The following VPS13A variants were observed in gnomAD, a reference collection of about 807,000 sequenced individuals.
The protein encoded by VPS13A is vacuolar protein sorting 13 homolog A.
Under a neutral mutation model 390.9 loss-of-function variants are expected in VPS13A, and 264 were observed. The ratio of observed to expected loss-of-function variants is 0.68; its 90% CI spans 0.61 to 0.75. VPS13A has a LOEUF of 0.75. Ranked by LOEUF, VPS13A falls within the 30% of genes least tolerant of loss-of-function variation. The pLI is 0.00. For synonymous variants in VPS13A, 1,231 were observed against 1,227.1 expected (o/e 1.00, Z -0.07); for missense variants, 3,409 against 3,733.9 (o/e 0.91, Z 2.27).
chr9:77,384,544 A>G lies in VPS13A; in HGVS notation c.9189+2457A>G, dbSNP rs1252351841. On this transcript the variant is annotated intron_variant, in intron 68 of 71. Coordinates refer to ENST00000360280, the MANE Select transcript of VPS13A (RefSeq NM_033305.3). ...GTTTTCAAGCAATTTGCCATACTCT[A>G]CTAACCTTTGTGCTTCTTTTTTCCT... 7 of 1,610,480 alleles carry G rather than the reference A, an allele frequency of 4.3e-6. No homozygotes were observed. The Admixed American group carries it at 5.0e-5, about 12-fold the overall frequency.
chr9:77,363,428 G>C (rs1344659758), intron 59 of VPS13A, among the ~76,000 whole-genome samples: 5 of 129,884 alleles, frequency 3.8e-5, no homozygotes, highest in African/African-American at 1.4e-4. Context: ...TTGAGACCTA[G>C]GCTCGCTCTG....
chr9:77,250,657 C>T (rs1470533414), intron 21 of VPS13A, among the ~76,000 whole-genome samples: 2 of 152,178 alleles, frequency 1.3e-5, no homozygotes, highest in Non-Finnish European at 2.9e-5. Context: ...AACCAGAAGA[C>T]ATTGCTCAGG....
intron 3 of VPS13A, among the ~76,000 whole-genome samples, chr9:77,204,920 C>T (rs552951603): frequency 6.6e-6 from 1 of 152,068 alleles, no homozygotes; most frequent in East Asian, 1.9e-4. Flanking sequence ...TTAGCCACTG[C>T]GCCTGGCCTA....
intron 22 of VPS13A, among the ~76,000 whole-genome samples, chr9:77,257,905 T>G (rs572384747): frequency 6.6e-6 from 1 of 152,332 alleles, no homozygotes; most frequent in Admixed American, 6.5e-5. Context: ...AGAATTGTAA[T>G]TATTTCTTAT....
chr9:77,376,325 A>G (rs565211807), intron 67 of VPS13A, among the ~76,000 whole-genome samples: 3 of 152,300 alleles, frequency 2.0e-5, no homozygotes, highest in African/African-American at 4.8e-5. Flanking sequence ...GCTTAAGATG[A>G]GAGGCCATTG....
chr9:77,283,047 A>G (rs1827131840), intron 29 of VPS13A, among the ~76,000 whole-genome samples: 1 of 152,140 alleles, frequency 6.6e-6, no homozygotes, highest in African/African-American at 2.4e-5. Flanking sequence ...TTTGATAATG[A>G]CAAGTATCAC....
At chr9:77,359,961 A>G (rs1251243688) in intron 58 of VPS13A, among the ~76,000 whole-genome samples, 2 of 152,106 alleles carry the variant, frequency 1.3e-5, no homozygotes, top group African/African-American at 4.8e-5. Flanking sequence ...TTGTTTTGAA[A>G]AAGGAAAACA....
intron 67 of VPS13A, among the ~76,000 whole-genome samples, chr9:77,379,441 T>C (rs1333554258): frequency 6.6e-6 from 1 of 152,072 alleles, no homozygotes; most frequent in Non-Finnish European, 1.5e-5. Flanking sequence ...GGTTTCTCCA[T>C]GTTGGTCAGG....
At chr9:77,350,809 T>C (rs1398405561) in intron 52 of VPS13A, 1 of 169,398 alleles carries the variant, frequency 5.9e-6, no homozygotes, top group African/African-American at 2.4e-5. Flanking sequence ...TCAGAAGAGC[T>C]ATATTTTATT....
intron 62 of VPS13A, 89 bp downstream of exon 62, chr9:77,368,225 A>G: frequency 1.9e-6 from 2 of 1,066,130 alleles, no homozygotes; most frequent in South Asian, 1.4e-5. Context: ...GGAACTATTG[A>G]GGAACTAAAT....
chr9:77,234,165 T>C (rs1390763679), intron 17 of VPS13A, among the ~76,000 whole-genome samples: 1 of 152,146 alleles, frequency 6.6e-6, no homozygotes, highest in African/African-American at 2.4e-5. Flanking sequence ...TTGAAAGATA[T>C]TTAAGTTAAT....
chr9:77,369,239 T>A, intron 62 of VPS13A, 60 bp from the exon 63 acceptor site: 1 of 1,314,298 alleles, frequency 7.6e-7, no homozygotes, highest in Non-Finnish European at 1.1e-6. Flanking sequence ...TTTTAAATAA[T>A]GTATAAGAAA....
intron 17 of VPS13A, 25 bp downstream of exon 17, chr9:77,228,289 A>G (rs769648116): frequency 3.2e-6 from 5 of 1,554,466 alleles, no homozygotes; most frequent in African/African-American, 1.4e-5. Flanking sequence ...ATCTTTTTTT[A>G]TCATATATGA....
chr9:77,412,200 T>C (rs1834969182), intron 71 of VPS13A, among the ~76,000 whole-genome samples: 1 of 152,200 alleles, frequency 6.6e-6, no homozygotes, highest in Admixed American at 6.5e-5. Context: ...TCTGAAACTA[T>C]TCCAATCAAT....
chr9:77,391,979 C>T (rs1833916874), intron 68 of VPS13A, among the ~76,000 whole-genome samples: 1 of 152,140 alleles, frequency 6.6e-6, no homozygotes, highest in African/African-American at 2.4e-5. Context: ...AAGGTTCCTG[C>T]TCATCTCTCA....
chr9:77,196,210 C>T (rs1554857215), intron 1 of VPS13A, among the ~76,000 whole-genome samples: 1 of 152,018 alleles, frequency 6.6e-6, no homozygotes, highest in Non-Finnish European at 1.5e-5. Context: ...TTTTAATTGA[C>T]ATGTATTGTG....
intron 50 of VPS13A, among the ~76,000 whole-genome samples, chr9:77,341,627 AG>A (rs1328878240): frequency 7.1e-6 from 1 of 141,076 alleles, no homozygotes; most frequent in African/African-American, 2.7e-5. Flanking sequence ...GTCTCTTAAT[AG>A]CTCTTTTATA....
Position 77,419,250 on chromosome 9 carries a change from T to G in VPS13A, c.*3244T>G, listed in dbSNP as rs1401516264. ...TGGGTCATGAAATCAACTTAACAGC[T>G]CAAGACCAGTATATTTTAAACGTGA... On this transcript the variant is annotated 3_prime_UTR_variant, in exon 72 of 72. Transcript: ENST00000360280. The G allele has an allele frequency of 6.6e-6, 1 of 152,074 alleles. No individual in the cohort carries two copies. The highest frequency in any genetic ancestry group is 1.9e-4 in the East Asian group (1 of 5,198). The allele number at this position is 152,074 out of a possible 1,614,324, so 9.4% of individuals were successfully genotyped here.
At chr9:77,402,975 A>C (rs374624806) in intron 68 of VPS13A, among the ~76,000 whole-genome samples, 46 of 152,346 alleles carry the variant, frequency 3.0e-4, no homozygotes, top group African/African-American at 1.1e-3. Flanking sequence ...GATTGAATTT[A>C]AACTTTGTAA....
Sources: gnomAD v4.1 joint callset for allele counts (sites outside exome capture counted in the v4.1 genomes callset) on GRCh38, gnomAD v4.1.1 for gene constraint, MANE v1.5 for transcripts, NCBI Gene and HGNC (gene_info 2026-07-23, HGNC 2026-07-21) for gene names.